The following TIAM1 variants were observed in gnomAD, a reference collection of about 807,000 sequenced individuals.
TIAM1 encodes the protein TIAM Rac1 associated GEF 1.
Under a neutral mutation model 163.5 loss-of-function variants are expected in TIAM1, and 65 were observed. The observed-to-expected ratio is 0.40, with a 90% confidence interval of 0.33 to 0.49. The LOEUF is 0.49. Ranked by LOEUF, TIAM1 falls within the 20% of genes least tolerant of loss-of-function variation. The pLI is 0.77. For synonymous variants in TIAM1, 833 were observed against 810.1 expected (o/e 1.03, Z -0.48); for missense variants, 1,789 against 2,044.7 (o/e 0.87, Z 2.41).
chr21:31,152,525 C>A, intron 19 of TIAM1, 111 bp downstream of exon 19: 1 of 1,454,376 alleles, frequency 6.9e-7, no homozygotes, highest in Non-Finnish European at 9.4e-7. Context: ...CTCAGACACC[C>A]TTAGGAACAG....
At chr21:31,181,011 G>A (rs752381840) in intron 15 of TIAM1, among the ~76,000 whole-genome samples, 5 of 152,212 alleles carry the variant, frequency 3.3e-5, no homozygotes, top group African/African-American at 4.8e-5. Context: ...AGCAGGGCAA[G>A]AATATCCAAC....
chr21:31,402,945 C>G (rs1313473729), intron 2 of TIAM1, among the ~76,000 whole-genome samples: 1 of 152,048 alleles, frequency 6.6e-6, no homozygotes, highest in Non-Finnish European at 1.5e-5. Flanking sequence ...GAGTGAGACT[C>G]CGTCTCAAAA....
chr21:31,337,167 G>T (rs1054732299), intron 2 of TIAM1, among the ~76,000 whole-genome samples: 12 of 152,154 alleles, frequency 7.9e-5, no homozygotes, highest in African/African-American at 2.9e-4. Context: ...ATTAGGAAGT[G>T]TTTTCAGAGA....
At chr21:31,384,013 C>T (rs7281472) in intron 2 of TIAM1, among the ~76,000 whole-genome samples, 8,906 of 152,104 alleles carry the variant, frequency 0.059, 627 homozygotes, top group African/African-American at 0.17. Context: ...AATCGAGCAC[C>T]TCAGGAGCAA....
chr21:31,442,070 A>AAAATATATATATATAT (rs1555982215), intron 2 of TIAM1, among the ~76,000 whole-genome samples: 2 of 53,244 alleles, frequency 3.8e-5, no homozygotes, highest in East Asian at 6.1e-4. Context: ...CAAATAAATA[A>AAAATATATATATATAT]ATATATATAT....
chr21:31,284,618 A>C (rs191563653), intron 2 of TIAM1, among the ~76,000 whole-genome samples: 222 of 152,170 alleles, frequency 1.5e-3, no homozygotes, highest in Non-Finnish European at 1.4e-3. Flanking sequence ...TCTCAAGTTC[A>C]AGTGATTCTC....
intron 2 of TIAM1, among the ~76,000 whole-genome samples, chr21:31,462,800 T>C (rs1602339702): frequency 6.6e-6 from 1 of 151,252 alleles, no homozygotes; most frequent in Non-Finnish European, 1.5e-5. Flanking sequence ...TGGAGGGCAG[T>C]GATGCAATCT....
At chr21:31,195,786 T>C (rs1344988401) in intron 12 of TIAM1, among the ~76,000 whole-genome samples, 1 of 152,230 alleles carries the variant, frequency 6.6e-6, no homozygotes, top group Non-Finnish European at 1.5e-5. Context: ...GATATTCTTT[T>C]TTTTAGCCAC....
chr21:31,316,390 T>A (rs1012001284), intron 2 of TIAM1, among the ~76,000 whole-genome samples: 1 of 152,218 alleles, frequency 6.6e-6, no homozygotes, highest in Admixed American at 6.5e-5. Flanking sequence ...AATGGTGACA[T>A]GTAGCCACCC....
Position 31,210,814 on chromosome 21 carries a change from G to GAAAGA in TIAM1, c.2218-600_2218-599insTCTTT, listed in dbSNP as rs147674572. On this transcript the variant is annotated intron_variant, in intron 10 of 27. Transcript: ENST00000541036. The stretch of plus-strand genomic sequence containing the variant: ...AGAAAGAAAGAAAGAAAGAAAGAAA[G>GAAAGA]GTCACCATTCAGCTCAGCTTTATGG... Among the ~76,000 whole-genome samples, 697 of 147,696 alleles carry GAAAGA rather than the reference G, an allele frequency of 4.7e-3. 15 individuals are homozygous for GAAAGA. Among genetic ancestry groups the GAAAGA allele is most frequent in the African/African-American group, 0.017 (665 of 38,390 alleles).
At chr21:31,257,137 AC>A (rs1436589067) in intron 4 of TIAM1, among the ~76,000 whole-genome samples, 1 of 152,242 alleles carries the variant, frequency 6.6e-6, no homozygotes, top group Non-Finnish European at 1.5e-5. Flanking sequence ...TAAATTAGTA[AC>A]TACTGGTCAC....
intron 2 of TIAM1, among the ~76,000 whole-genome samples, chr21:31,438,610 C>T (rs945411762): frequency 3.3e-5 from 5 of 152,102 alleles, no homozygotes; most frequent in Non-Finnish European, 7.4e-5. Context: ...TGATGTAACC[C>T]TTTTCCCTCT....
intron 8 of TIAM1, 40 bp from the exon 9 acceptor site, chr21:31,217,739 T>C (rs776550980): frequency 3.1e-5 from 49 of 1,602,650 alleles, no homozygotes; most frequent in Non-Finnish European, 3.8e-5. Flanking sequence ...GGGAGATGCA[T>C]CAGGACCACC....
At chr21:31,468,575 G>A (rs2045617610) in intron 1 of TIAM1, among the ~76,000 whole-genome samples, 1 of 151,924 alleles carries the variant, frequency 6.6e-6, no homozygotes, top group Non-Finnish European at 1.5e-5. Flanking sequence ...AGGAGGTGGA[G>A]ACCATCCTAG....
chr21:31,373,158 C>A (rs865813395), intron 2 of TIAM1, among the ~76,000 whole-genome samples: 2 of 151,934 alleles, frequency 1.3e-5, no homozygotes, highest in African/African-American at 4.8e-5. Context: ...CATGGTGGCA[C>A]GTGCCTGTGG....
At chr21:31,524,277 G>C (rs146912832) in intron 1 of TIAM1, among the ~76,000 whole-genome samples, 2 of 152,240 alleles carry the variant, frequency 1.3e-5, no homozygotes, top group East Asian at 1.9e-4. Context: ...AGGTGAAGTG[G>C]GGGTAGGAGT....
chr21:31,235,672 A>G (rs563111639), intron 6 of TIAM1, among the ~76,000 whole-genome samples: 1 of 152,350 alleles, frequency 6.6e-6, no homozygotes, highest in Admixed American at 6.5e-5. Flanking sequence ...TTTTAATGTT[A>G]GCTGAATTCT....
chr21:31,525,464 C>G (rs987271663), intron 1 of TIAM1, among the ~76,000 whole-genome samples: 1 of 152,074 alleles, frequency 6.6e-6, no homozygotes, highest in African/African-American at 2.4e-5. Flanking sequence ...GGATCCACCC[C>G]CAAGACCCAA....
intron 16 of TIAM1, among the ~76,000 whole-genome samples, chr21:31,164,021 T>C (rs999929727): frequency 6.6e-6 from 1 of 152,184 alleles, no homozygotes; most frequent in Non-Finnish European, 1.5e-5. Flanking sequence ...TAAGTTGGGT[T>C]GTGTTTTGAA....
Sources: gnomAD v4.1 joint callset for allele counts (sites outside exome capture counted in the v4.1 genomes callset) on GRCh38, gnomAD v4.1.1 for gene constraint, MANE v1.5 for transcripts, NCBI Gene and HGNC (gene_info 2026-07-23, HGNC 2026-07-21) for gene names.